NTM: variants seen among roughly 807,000 people sequenced by gnomAD.
NTM encodes the protein neurotrimin.
A neutral mutation model predicts 42.1 loss-of-function variants in NTM; 13 were observed. The observed-to-expected ratio is 0.31, with a 90% CI of 0.20 to 0.49. The LOEUF (loss-of-function observed/expected upper bound fraction) is 0.49. Among genes scored for constraint, NTM ranks in the 20% least tolerant of loss-of-function variants. The pLI, the probability that NTM is intolerant of heterozygous loss-of-function variation, is 0.99. For synonymous variants in NTM, 187 were observed against 179.2 expected, an observed-to-expected ratio of 1.04 and a Z score of -0.35; for missense variants, 373 against 452.8, an observed-to-expected ratio of 0.82 and a Z score of 1.60.
chr11:132,235,697 G>A (rs1407180757), intron 4 of NTM, among the ~76,000 whole-genome samples: 1 of 152,048 alleles, frequency 6.6e-6, no homozygotes, highest in East Asian at 1.9e-4. Flanking sequence ...TGACAGGGTG[G>A]ATTTTCCAAG....
chr11:131,521,621 AACTC>A (rs1565595359), intron 1 of NTM, among the ~76,000 whole-genome samples: 2 of 151,728 alleles, frequency 1.3e-5, no homozygotes, highest in African/African-American at 4.8e-5. Context: ...TAACAGCAAG[AACTC>A]ACTCATTACT....
chr11:131,932,658 G>A (rs1232359041), intron 2 of NTM, among the ~76,000 whole-genome samples: 1 of 152,202 alleles, frequency 6.6e-6, no homozygotes, highest in Admixed American at 6.5e-5. Context: ...AATAGGAGAT[G>A]ATGCTGATGG....
Position 131,645,653 on chromosome 11 carries a change from AT to A in NTM, c.83-265902del, listed in dbSNP as rs566740306. On this transcript the variant is annotated intron_variant, in intron 1 of 8. Transcript: ENST00000683400. Reference sequence around the variant, plus strand: ...TTCTAGTTCTTACGCCTTTATGTCCATTTTTTTTTACTTATTAGTACATTGT... The same window carrying A: ...TTCTAGTTCTTACGCCTTTATGTCCATTTTTTTTACTTATTAGTACATTGT... Among the ~76,000 whole-genome samples the A allele has an allele frequency of 4.6e-3, 696 of 151,496 alleles. 4 individuals are homozygous for A. The highest frequency in any genetic ancestry group is 0.016 in the African/African-American group (660 of 41,278).
intron 2 of NTM, among the ~76,000 whole-genome samples, chr11:132,075,457 C>T (rs1263932063): frequency 3.3e-5 from 5 of 152,150 alleles, no homozygotes; most frequent in Non-Finnish European, 4.4e-5. Context: ...AATCCTATTC[C>T]AAGATGGGAT....
intron 7 of NTM, among the ~76,000 whole-genome samples, chr11:132,319,208 T>C (rs2095503975): frequency 6.6e-6 from 1 of 151,946 alleles, no homozygotes. Flanking sequence ...AAAAGACAGG[T>C]GATTTCTGCA....
At chr11:132,131,730 C>T (rs778817142) in intron 2 of NTM, among the ~76,000 whole-genome samples, 10 of 152,154 alleles carry the variant, frequency 6.6e-5, no homozygotes, top group Non-Finnish European at 7.3e-5. Context: ...GGCTCTTGAA[C>T]AAGTGATTCT....
chr11:131,659,580 T>A (rs2067682725), intron 1 of NTM, among the ~76,000 whole-genome samples: 1 of 152,272 alleles, frequency 6.6e-6, no homozygotes, highest in African/African-American at 2.4e-5. Context: ...TAGTCATCCT[T>A]CTGAAGTACG....
chr11:131,694,425 A>G (rs1384292956), intron 1 of NTM, among the ~76,000 whole-genome samples: 1 of 152,184 alleles, frequency 6.6e-6, no homozygotes, highest in Non-Finnish European at 1.5e-5. Flanking sequence ...CTGGGTCTAG[A>G]AGCTGAGTCT....
chr11:132,011,627 A>G (rs151142473), intron 2 of NTM, among the ~76,000 whole-genome samples: 69 of 152,302 alleles, frequency 4.5e-4, no homozygotes, highest in African/African-American at 1.5e-3. Flanking sequence ...TAACAATTCT[A>G]TGACTTAGAG....
intron 1 of NTM, among the ~76,000 whole-genome samples, chr11:131,480,081 G>T (rs1259390491): frequency 4.1e-5 from 6 of 147,366 alleles, no homozygotes; most frequent in Non-Finnish European, 6.0e-5. Flanking sequence ...TTTTTGCATT[G>T]ATTTCATTTT....
chr11:131,557,481 C>T (rs1363059305), intron 1 of NTM, among the ~76,000 whole-genome samples: 2 of 152,154 alleles, frequency 1.3e-5, no homozygotes, highest in African/African-American at 4.8e-5. Context: ...GTGATACTGC[C>T]AAGATCTTTC....
intron 2 of NTM, among the ~76,000 whole-genome samples, chr11:132,069,043 G>A (rs1404195122): frequency 3.3e-5 from 5 of 152,204 alleles, no homozygotes; most frequent in African/African-American, 9.6e-5. Context: ...AAGTTAACAT[G>A]TCAAACTGAC....
chr11:131,947,544 G>A (rs2134296934), intron 2 of NTM, among the ~76,000 whole-genome samples: 1 of 152,338 alleles, frequency 6.6e-6, no homozygotes, highest in Non-Finnish European at 1.5e-5. Context: ...AAGGAAGGCA[G>A]GGAGGTGGGT....
intron 3 of NTM, among the ~76,000 whole-genome samples, chr11:132,162,160 T>C (rs2074419583): frequency 1.3e-5 from 2 of 151,866 alleles, no homozygotes; most frequent in South Asian, 4.2e-4. Flanking sequence ...TGTGCTTGGG[T>C]ATAGTAGGGT....
intron 1 of NTM, among the ~76,000 whole-genome samples, chr11:131,492,665 G>T (rs1443557084): frequency 6.6e-6 from 1 of 152,096 alleles, no homozygotes; most frequent in Non-Finnish European, 1.5e-5. Context: ...AGACTTCAAA[G>T]TGCACAGTGG....
chr11:131,752,794 G>T (rs576143436), intron 1 of NTM, among the ~76,000 whole-genome samples: 2 of 105,166 alleles, frequency 1.9e-5, no homozygotes, highest in African/African-American at 6.8e-5. Context: ...AACCCTAGAA[G>T]AAAACCGCGC....
rs138635414 is a variant in NTM at position 131,429,633 on chromosome 11, T to C, written c.82+58745T>C. 5.3e-5 allele frequency among the ~76,000 whole-genome samples: 8 copies of C among 152,300 alleles called. No homozygotes were observed. The East Asian group carries it at 1.3e-3, about 26-fold the overall frequency. On this transcript the variant is annotated intron_variant, in intron 1 of 8. Transcript: ENST00000683400. The stretch of plus-strand genomic sequence containing the variant: ...TTGGAGAACACCAGAGCCACTTAAA[T>C]TGACAACTCTGGTGTTTCCATATAT...
intron 6 of NTM, 175 bp from the exon 7 acceptor site, chr11:132,314,377 C>G (rs1406568140): frequency 3.7e-6 from 1 of 266,966 alleles, no homozygotes; most frequent in Non-Finnish European, 5.8e-6. Context: ...CAACGTGTCA[C>G]TCACTGTCTG....
intron 1 of NTM, among the ~76,000 whole-genome samples, chr11:131,885,386 A>C (rs2050217599): frequency 6.6e-6 from 1 of 152,210 alleles, no homozygotes; most frequent in Non-Finnish European, 1.5e-5. Context: ...AACTGCGGGC[A>C]GGTGGGGGCC....
Sources: gnomAD v4.1 joint callset for allele counts (sites outside exome capture counted in the v4.1 genomes callset) on GRCh38, gnomAD v4.1.1 for gene constraint, MANE v1.5 for transcripts, NCBI Gene and HGNC (gene_info 2026-07-23, HGNC 2026-07-21) for gene names.